The following WDR93 variants were observed in gnomAD, a reference collection of about 807,000 sequenced individuals.
WDR93 encodes WD repeat domain 93.
Under a neutral mutation model 82.9 loss-of-function variants are expected in WDR93, and 73 were observed. The observed-to-expected ratio is 0.88, with a 90% CI of 0.73 to 1.07. The LOEUF is 1.07. WDR93 is among the 50% of genes least tolerant of loss of function. WDR93 has a pLI of 0.00. For synonymous variants in WDR93, 283 were observed against 300.1 expected (o/e 0.94, Z 0.59); for missense variants, 738 against 826.0 (o/e 0.89, Z 1.31).
chr15:89,728,952 C>G (rs1966839282), intron 9 of WDR93, 71 bp from the exon 10 acceptor site: 1 of 1,390,334 alleles, frequency 7.2e-7, no homozygotes. Flanking sequence ...GTTTTAGGAC[C>G]AAGACTCTGC....
chr15:89,735,601 C>A (rs1967103979), intron 14 of WDR93, 48 bp downstream of exon 14: 2 of 1,570,602 alleles, frequency 1.3e-6, no homozygotes, highest in African/African-American at 1.4e-5. Context: ...TCTCATTTCT[C>A]TTCTGTGAAT....
chr15:89,718,241 C>T (rs951696030), intron 7 of WDR93, among the ~76,000 whole-genome samples: 3 of 152,040 alleles, frequency 2.0e-5, no homozygotes, highest in African/African-American at 4.8e-5. Flanking sequence ...TTTGGGAGGC[C>T]GAGACAGGTG....
intron 1 of WDR93, among the ~76,000 whole-genome samples, chr15:89,693,615 A>C (rs1393587747): frequency 6.6e-6 from 1 of 152,248 alleles, no homozygotes; most frequent in Non-Finnish European, 1.5e-5. Context: ...ACAAACATTT[A>C]ATAAATAAAT....
Position 89,737,678 on chromosome 15 carries a change from T to C in WDR93, c.1714T>C (p.Trp572Arg), listed in dbSNP as rs1351382655. 1 of 1,614,214 alleles carries C rather than the reference T, an allele frequency of 6.2e-7. No individual in the cohort carries two copies. Among genetic ancestry groups the C allele is most frequent in the South Asian group, 1.1e-5 (1 of 91,084 alleles). The change falls in exon 15 of 17, where the codon TGG (tryptophan) becomes CGG (arginine). Residue 572 changes from tryptophan (W) to arginine (R), a missense_variant. Coordinates refer to ENST00000268130, the MANE Select transcript of WDR93 (RefSeq NM_020212.2). ...PPGAFPLEVPWKPVFAVSPDH... is the reference protein window; with the variant it reads ...PPGAFPLEVPRKPVFAVSPDH... ...GGGAGCCTTTCCTCTGGAGGTCCCC[T>C]GGAAGCCAGTGTTTGCTGTGTCTCC... is the stretch of plus-strand genomic sequence containing the variant.
intron 1 of WDR93, among the ~76,000 whole-genome samples, chr15:89,691,994 G>A (rs1159538702): frequency 1.3e-5 from 2 of 152,198 alleles, no homozygotes; most frequent in African/African-American, 4.8e-5. Context: ...AAACACAGCT[G>A]GAATATGGCA....
chr15:89,717,221 G>A (rs1040770074), intron 7 of WDR93, among the ~76,000 whole-genome samples: 2 of 151,412 alleles, frequency 1.3e-5, no homozygotes, highest in South Asian at 2.1e-4. Flanking sequence ...TACCACGCCC[G>A]GCTAATATTG....
At chr15:89,721,064 T>G (rs776851232) in intron 7 of WDR93, 1 of 152,260 alleles carries the variant, frequency 6.6e-6, no homozygotes, top group African/African-American at 2.4e-5. Flanking sequence ...CATTATTCAC[T>G]GACCCTTTGA....
At chr15:89,726,870 C>T (rs1047026798) in intron 8 of WDR93, among the ~76,000 whole-genome samples, 1 of 151,854 alleles carries the variant, frequency 6.6e-6, no homozygotes, top group Non-Finnish European at 1.5e-5. Context: ...CACCGCCCCC[C>T]ACACCCTGGC....
At position 89,727,343 on chromosome 15, in the gene WDR93, C is replaced by T. The variant is rs780967118; in HGVS notation, c.1052+15C>T. On this transcript the variant is annotated intron_variant, in intron 9 of 16. Coordinates refer to ENST00000268130, the MANE Select transcript of WDR93 (RefSeq NM_020212.2). ...GAGCCACTCAGGTGAGCCTCCTAAT[C>T]CCGGGAAAGCCAGGGAGCATCCCCA... The T allele has an allele frequency of 6.2e-7, 1 of 1,612,142 alleles. No homozygotes were observed. Among genetic ancestry groups the T allele is most frequent in the Non-Finnish European group, 8.5e-7 (1 of 1,179,376 alleles).
chr15:89,695,813 CTTTTTTTTTTT>C lies in WDR93; in HGVS notation c.-41+4967_-41+4977del, dbSNP rs58664153. 1.2e-4 allele frequency among the ~76,000 whole-genome samples: 12 copies of C among 99,322 alleles called. No homozygotes were observed. In the East Asian group the frequency reaches 2.6e-3, roughly 22 times the overall value. The allele number at this position is 99,322 out of a possible 152,430, so 65.2% of individuals were successfully genotyped here. ...CTCCAAAAAACTCCCTCATGCTGTC[CTTTTTTTTTTT>C]TTTTTTTTTTGAGACAGAGCCTCAC... On this transcript the variant is annotated intron_variant, in intron 1 of 16. Coordinates refer to ENST00000268130, the MANE Select transcript of WDR93 (RefSeq NM_020212.2).
intron 11 of WDR93, among the ~76,000 whole-genome samples, chr15:89,730,342 AAG>A (rs1246011427): frequency 6.9e-6 from 1 of 145,178 alleles, no homozygotes; most frequent in Non-Finnish European, 1.5e-5. Flanking sequence ...AAAAAAAAAA[AAG>A]AGAGAGATTG....
At chr15:89,700,216 A>G (rs907065630) in intron 1 of WDR93, among the ~76,000 whole-genome samples, 2 of 152,260 alleles carry the variant, frequency 1.3e-5, no homozygotes, top group East Asian at 1.9e-4. Flanking sequence ...GTGAATTATG[A>G]GGCTTTCCAG....
At chr15:89,730,948 T>C (rs1596114756) in intron 11 of WDR93, among the ~76,000 whole-genome samples, 1 of 152,178 alleles carries the variant, frequency 6.6e-6, no homozygotes, top group East Asian at 1.9e-4. Context: ...TTCCTTGAAC[T>C]GTACACTTGT....
At chr15:89,730,016 CA>C (rs1164537316) in intron 11 of WDR93, among the ~76,000 whole-genome samples, 2 of 152,132 alleles carry the variant, frequency 1.3e-5, no homozygotes, top group African/African-American at 4.8e-5. Context: ...GCTCCTTAAG[CA>C]GCTAAGGTAA....
At chr15:89,698,078 G>T (rs1965277812) in intron 1 of WDR93, among the ~76,000 whole-genome samples, 1 of 151,578 alleles carries the variant, frequency 6.6e-6, no homozygotes, top group African/African-American at 2.4e-5. Context: ...TAGGGACAGG[G>T]TCTCACCGTG....
chr15:89,714,919 C>A, intron 5 of WDR93, 61 bp from the exon 6 acceptor site: 1 of 1,441,362 alleles, frequency 6.9e-7, no homozygotes, highest in Non-Finnish European at 9.6e-7. Context: ...CAGGCCATTT[C>A]TCAGAGGAAA....
chr15:89,696,039 A>G (rs1965155131), intron 1 of WDR93, among the ~76,000 whole-genome samples: 1 of 150,292 alleles, frequency 6.7e-6, no homozygotes, highest in Non-Finnish European at 1.5e-5. Context: ...CTGGTCTTGA[A>G]CTCCTGACCT....
chr15:89,737,685 C>T lies in WDR93; in HGVS notation c.1721C>T (p.Pro574Leu), dbSNP rs1967315611. ...TTTCCTCTGGAGGTCCCCTGGAAGC[C>T]AGTGTTTGCTGTGTCTCCAGACCAT... ...GAFPLEVPWK[P>L]VFAVSPDHPC... Residue 574 changes from proline (P) to leucine (L), a missense_variant, in exon 15 of 17, where the codon CCA (proline) becomes CTA (leucine). Transcript: ENST00000268130. 6.2e-7 allele frequency: 1 copy of T among 1,614,156 alleles called. No homozygotes were observed. Among genetic ancestry groups the T allele is most frequent in the Non-Finnish European group, 8.5e-7 (1 of 1,180,020 alleles).
Position 89,727,249 on chromosome 15 carries a change from C to T in WDR93, c.973C>T (p.Gln325Ter). 6.2e-7 allele frequency: 1 copy of T among 1,614,122 alleles called. No individual in the cohort carries two copies. The highest frequency in any genetic ancestry group is 8.5e-7 in the Non-Finnish European group (1 of 1,180,010). Residue 325 changes from glutamine (Q) to a stop codon, truncating the protein, a stop_gained, in exon 9 of 17, where the codon CAG becomes TAG. Transcript: ENST00000268130. LOFTEE classifies it high-confidence loss of function. ...GCAGAATCATTTCATCAAGGACAGT[C>T]AGTGGGAGCAGCAAGCTGAGATCTT... The part of the protein sequence containing the change: ...SGQNHFIKDS[Q>*]WEQQAEIFNA...
Sources: gnomAD v4.1 joint callset for allele counts (sites outside exome capture counted in the v4.1 genomes callset) on GRCh38, gnomAD v4.1.1 for gene constraint, MANE v1.5 for transcripts, NCBI Gene and HGNC (gene_info 2026-07-23, HGNC 2026-07-21) for gene names.